BACH2: variants seen among roughly 807,000 people sequenced by gnomAD.
The protein encoded by BACH2 is BACH transcriptional regulator 2, also known as transcription regulator protein BACH2.
Under a neutral mutation model 61.8 loss-of-function variants are expected in BACH2, and 5 were observed. The ratio of observed to expected loss-of-function variants is 0.08; its 90% CI spans 0.04 to 0.17. BACH2 has a LOEUF of 0.17. Among genes scored for constraint, BACH2 ranks in the 10% least tolerant of loss-of-function variants. The pLI is 1.00. For missense variants in BACH2, 824 were observed against 1,091.1 expected, an observed-to-expected ratio of 0.76 and a Z score of 3.45; for synonymous variants, 446 against 440.1, an observed-to-expected ratio of 1.01 and a Z score of -0.17.
Position 90,287,352 on chromosome 6 carries a change from G to T in BACH2, c.-446+9128C>A, listed in dbSNP as rs529250874. ...AATTTGTATCAATGCAACTGGGGTG[G>T]GGAGGTAAGTGAAGTTGGATCCGCT... On this transcript the variant is annotated intron_variant, in intron 1 of 8. Coordinates refer to ENST00000257749, the MANE Select transcript of BACH2 (RefSeq NM_021813.4). 4.6e-5 allele frequency among the ~76,000 whole-genome samples: 7 copies of T among 152,210 alleles called. No homozygotes were observed. The East Asian group carries it at 1.4e-3, about 29-fold the overall frequency.
chr6:90,263,326 T>C (rs1346835391), intron 2 of BACH2, among the ~76,000 whole-genome samples: 2 of 152,074 alleles, frequency 1.3e-5, no homozygotes, highest in East Asian at 1.9e-4. Flanking sequence ...TGTGCTTAGT[T>C]AGACAGACAG....
intron 8 of BACH2, among the ~76,000 whole-genome samples, chr6:89,936,890 A>G (rs560790807): frequency 6.2e-4 from 95 of 152,210 alleles, no homozygotes; most frequent in African/African-American, 2.3e-3. Flanking sequence ...GATCATGACC[A>G]TACCATGTGG....
intron 4 of BACH2, among the ~76,000 whole-genome samples, chr6:90,134,865 T>C (rs9451360): frequency 0.024 from 3,624 of 152,168 alleles, 133 homozygotes; most frequent in African/African-American, 0.083. Context: ...CCCATCAACT[T>C]AGGAGGGTCA....
chr6:89,993,786 T>C (rs774034005), intron 6 of BACH2, among the ~76,000 whole-genome samples: 6 of 151,692 alleles, frequency 4.0e-5, no homozygotes, highest in Non-Finnish European at 7.4e-5. Context: ...ACTTCCAGGA[T>C]CTAGGGTGAC....
At chr6:90,210,522 A>G (rs1406187933) in intron 3 of BACH2, among the ~76,000 whole-genome samples, 2 of 152,202 alleles carry the variant, frequency 1.3e-5, no homozygotes, top group East Asian at 3.8e-4. Flanking sequence ...TTTTGCAGCC[A>G]ATTCAGTTTA....
intron 1 of BACH2, among the ~76,000 whole-genome samples, chr6:90,274,704 T>C (rs1771637881): frequency 6.6e-6 from 1 of 152,182 alleles, no homozygotes; most frequent in Non-Finnish European, 1.5e-5. Context: ...GAAGCATCAA[T>C]GTGAAAAGGG....
intron 6 of BACH2, among the ~76,000 whole-genome samples, chr6:89,991,715 T>A (rs955411296): frequency 7.1e-6 from 1 of 140,060 alleles, no homozygotes; most frequent in East Asian, 2.1e-4. Flanking sequence ...CCTTTATAGA[T>A]TTTTTTTTTT....
chr6:90,239,845 GCTGA>G, intron 3 of BACH2, among the ~76,000 whole-genome samples: 1 of 115,732 alleles, frequency 8.6e-6, no homozygotes, highest in African/African-American at 3.4e-5. Flanking sequence ...ACACACACAC[GCTGA>G]CTATTCACAT....
At chr6:90,066,543 A>T (rs916915337) in intron 5 of BACH2, among the ~76,000 whole-genome samples, 1 of 152,224 alleles carries the variant, frequency 6.6e-6, no homozygotes, top group Non-Finnish European at 1.5e-5. Flanking sequence ...GGGAGCAACT[A>T]GCCTGGGAGA....
At chr6:90,057,538 C>T (rs1009232088) in intron 5 of BACH2, among the ~76,000 whole-genome samples, 35 of 152,276 alleles carry the variant, frequency 2.3e-4, no homozygotes, top group African/African-American at 7.7e-4. Flanking sequence ...CGAATTCTAC[C>T]AGAGGTACAA....
At chr6:90,247,940 T>C (rs1770690618) in intron 3 of BACH2, among the ~76,000 whole-genome samples, 2 of 152,236 alleles carry the variant, frequency 1.3e-5, no homozygotes. Context: ...TTCTTGGAGA[T>C]TAATTTTACT....
intron 3 of BACH2, among the ~76,000 whole-genome samples, chr6:90,215,612 A>G (rs1005186942): frequency 2.0e-5 from 3 of 152,192 alleles, no homozygotes; most frequent in Non-Finnish European, 4.4e-5. Flanking sequence ...GAAGTAGGCC[A>G]GGCTGCATGA....
intron 7 of BACH2, among the ~76,000 whole-genome samples, chr6:89,949,517 C>T (rs1453795194): frequency 1.3e-5 from 2 of 152,170 alleles, no homozygotes; most frequent in Non-Finnish European, 2.9e-5. Context: ...TGCCCCTGTT[C>T]CCCTCTTCCA....
intron 6 of BACH2, among the ~76,000 whole-genome samples, chr6:90,004,400 A>G (rs1000677277): frequency 1.3e-5 from 2 of 152,006 alleles, no homozygotes; most frequent in African/African-American, 4.8e-5. Context: ...GGCCATACTC[A>G]CCCCCAGCCT....
chr6:89,934,939 C>G (rs1259000475), intron 8 of BACH2, among the ~76,000 whole-genome samples: 2 of 151,978 alleles, frequency 1.3e-5, no homozygotes, highest in East Asian at 3.9e-4. Flanking sequence ...GCATGTGTGT[C>G]GGAAAGAGAG....
chr6:90,005,999 A>G (rs1167939453), intron 6 of BACH2, among the ~76,000 whole-genome samples: 1 of 152,216 alleles, frequency 6.6e-6, no homozygotes, highest in Non-Finnish European at 1.5e-5. Context: ...TGCGATGTCT[A>G]TACAGTGTGC....
At chr6:90,213,342 T>C (rs1769420634) in intron 3 of BACH2, among the ~76,000 whole-genome samples, 1 of 152,202 alleles carries the variant, frequency 6.6e-6, no homozygotes, top group African/African-American at 2.4e-5. Context: ...TGCTAATACT[T>C]TGGAAATTTT....
At chr6:90,006,438 C>T (rs1777410064) in intron 6 of BACH2, among the ~76,000 whole-genome samples, 1 of 152,154 alleles carries the variant, frequency 6.6e-6, no homozygotes, top group Non-Finnish European at 1.5e-5. Flanking sequence ...GTACCCAGTC[C>T]CCACTCCTTA....
intron 6 of BACH2, among the ~76,000 whole-genome samples, chr6:89,999,893 T>C (rs575527165): frequency 2.6e-5 from 4 of 152,194 alleles, no homozygotes; most frequent in African/African-American, 7.2e-5. Flanking sequence ...TAGGGATAAA[T>C]AGACATAGTG....
Sources: gnomAD v4.1 joint callset for allele counts (sites outside exome capture counted in the v4.1 genomes callset) on GRCh38, gnomAD v4.1.1 for gene constraint, MANE v1.5 for transcripts, NCBI Gene and HGNC (gene_info 2026-07-23, HGNC 2026-07-21) for gene names.